SLC35F3: variants seen among roughly 807,000 people sequenced by gnomAD.
SLC35F3 encodes putative thiamine transporter SLC35F3.
In SLC35F3, 25 loss-of-function variants were observed where a neutral mutation model predicts 49.9. The ratio of observed to expected loss-of-function variants is 0.50; its 90% CI spans 0.37 to 0.70. The LOEUF (loss-of-function observed/expected upper bound fraction) is 0.70. Among genes scored for constraint, SLC35F3 ranks in the 30% least tolerant of loss-of-function variants. The pLI is 0.00. For missense variants in SLC35F3, 525 were observed against 639.8 expected (o/e 0.82, Z 1.94); for synonymous variants, 275 against 265.4 (o/e 1.04, Z -0.35).
chr1:233,970,150 C>T (rs1662969279), intron 2 of SLC35F3, among the ~76,000 whole-genome samples: 1 of 152,190 alleles, frequency 6.6e-6, no homozygotes, highest in African/African-American at 2.4e-5. Context: ...CCTGACCCAG[C>T]CTTATGGTGA....
intron 2 of SLC35F3, among the ~76,000 whole-genome samples, chr1:234,138,859 C>T (rs1167143685): frequency 1.3e-5 from 2 of 152,152 alleles, no homozygotes; most frequent in African/African-American, 4.8e-5. Context: ...GGCCTTGTTG[C>T]TTTGGAAGAA....
chr1:234,014,690 C>A (rs575015573), intron 2 of SLC35F3, among the ~76,000 whole-genome samples: 6 of 151,948 alleles, frequency 3.9e-5, no homozygotes, highest in African/African-American at 1.4e-4. Flanking sequence ...TAACAATGAA[C>A]TATCTGAAAA....
chr1:234,276,163 A>C (rs1668208255), intron 3 of SLC35F3, among the ~76,000 whole-genome samples: 1 of 152,244 alleles, frequency 6.6e-6, no homozygotes, highest in African/African-American at 2.4e-5. Flanking sequence ...ATTTTAATGC[A>C]ACAGAAATCA....
chr1:233,991,587 A>G (rs1231056812), intron 2 of SLC35F3, among the ~76,000 whole-genome samples: 4 of 152,156 alleles, frequency 2.6e-5, no homozygotes, highest in Non-Finnish European at 5.9e-5. Context: ...GAACTTTGCC[A>G]GCTCATTGGG....
chr1:234,066,303 A>G (rs1664616055), intron 2 of SLC35F3, among the ~76,000 whole-genome samples: 1 of 151,934 alleles, frequency 6.6e-6, no homozygotes, highest in South Asian at 2.1e-4. Context: ...TCTTACTCCC[A>G]GGAGAAATCT....
At chr1:234,140,598 C>G (rs1278530548) in intron 2 of SLC35F3, among the ~76,000 whole-genome samples, 2 of 152,122 alleles carry the variant, frequency 1.3e-5, no homozygotes, top group Non-Finnish European at 2.9e-5. Flanking sequence ...CTGCTTCTCC[C>G]CATTCAATCT....
intron 2 of SLC35F3, among the ~76,000 whole-genome samples, chr1:234,030,464 G>A (rs1425204501): frequency 6.6e-6 from 1 of 152,188 alleles, no homozygotes; most frequent in Non-Finnish European, 1.5e-5. Context: ...GAGAAGGGCT[G>A]ACTGCTTCTG....
At chr1:234,149,330 T>A (rs1024482877) in intron 2 of SLC35F3, among the ~76,000 whole-genome samples, 2 of 152,218 alleles carry the variant, frequency 1.3e-5, no homozygotes, top group East Asian at 3.9e-4. Context: ...ATTTCTTTCT[T>A]CCCAAAGTCC....
intron 3 of SLC35F3, among the ~76,000 whole-genome samples, chr1:234,267,715 C>T (rs1430332438): frequency 0.019 from 2,829 of 150,046 alleles, 51 homozygotes; most frequent in African/African-American, 0.061. Flanking sequence ...GGCTGCCGGA[C>T]GGAGGGGCTC....
intron 2 of SLC35F3, among the ~76,000 whole-genome samples, chr1:233,994,085 CAGAT>C (rs1663416185): frequency 6.6e-6 from 1 of 152,180 alleles, no homozygotes; most frequent in Admixed American, 6.5e-5. Context: ...AAGTTCCTGA[CAGAT>C]AGATTTGAAA....
At chr1:233,952,081 A>T (rs1662615957) in intron 2 of SLC35F3, among the ~76,000 whole-genome samples, 1 of 151,688 alleles carries the variant, frequency 6.6e-6, no homozygotes, top group African/African-American at 2.4e-5. Flanking sequence ...GTCATTTATG[A>T]TGTCAGCAGT....
At chr1:234,223,059 G>A (rs551661966) in intron 2 of SLC35F3, among the ~76,000 whole-genome samples, 1 of 152,344 alleles carries the variant, frequency 6.6e-6, no homozygotes, top group South Asian at 2.1e-4. Flanking sequence ...CCCAAGAGGA[G>A]GCGCTGACTC....
chr1:234,184,321 CTG>C, intron 2 of SLC35F3, among the ~76,000 whole-genome samples: 1 of 152,248 alleles, frequency 6.6e-6, no homozygotes, highest in Admixed American at 6.5e-5. Context: ...TATCATTTCT[CTG>C]TGTAAGCTTG....
chr1:234,023,632 G>A (rs1572023239), intron 2 of SLC35F3, among the ~76,000 whole-genome samples: 1 of 152,048 alleles, frequency 6.6e-6, no homozygotes, highest in Admixed American at 6.5e-5. Context: ...TGTACGGAAG[G>A]GATGTTAGTT....
intron 2 of SLC35F3, among the ~76,000 whole-genome samples, chr1:234,146,099 TAATCA>T (rs1665991613): frequency 6.6e-6 from 1 of 152,194 alleles, no homozygotes; most frequent in Non-Finnish European, 1.5e-5. Flanking sequence ...GTTTAAAATT[TAATCA>T]TTTTAATTAC....
intron 4 of SLC35F3, among the ~76,000 whole-genome samples, chr1:234,312,490 G>A (rs1440292734): frequency 6.6e-6 from 1 of 152,168 alleles, no homozygotes; most frequent in African/African-American, 2.4e-5. Flanking sequence ...ACAGTATCTG[G>A]TATCTGGTCC....
At chr1:234,082,920 G>T (rs1034169025) in intron 2 of SLC35F3, among the ~76,000 whole-genome samples, 22 of 152,250 alleles carry the variant, frequency 1.4e-4, no homozygotes, top group Non-Finnish European at 2.6e-4. Flanking sequence ...TTAAAGATGA[G>T]ATTTGGGTGG....
At chr1:234,278,637 G>T (rs1668253828) in intron 3 of SLC35F3, among the ~76,000 whole-genome samples, 1 of 152,204 alleles carries the variant, frequency 6.6e-6, no homozygotes, top group African/African-American at 2.4e-5. Flanking sequence ...AGACTGGGTG[G>T]CTTTGACAAC....
At chr1:234,162,505 T>C (rs1464311980) in intron 2 of SLC35F3, among the ~76,000 whole-genome samples, 1 of 151,516 alleles carries the variant, frequency 6.6e-6, no homozygotes, top group African/African-American at 2.4e-5. Context: ...CTGTCTCTCC[T>C]GTATAGCTGG....
Sources: allele counts gnomAD v4.1 joint callset (sites outside exome capture counted in the v4.1 genomes callset), GRCh38; gene constraint gnomAD v4.1.1; transcripts MANE v1.5; gene names NCBI Gene and HGNC (gene_info 2026-07-23, HGNC 2026-07-21).